Variants in ANO2 observed in about 807,000 individuals in gnomAD.
The protein encoded by ANO2 is anoctamin 2.
In ANO2, 101 loss-of-function variants were observed where a neutral mutation model predicts 124.2. That is an observed-to-expected ratio of 0.81 (90% CI 0.69 to 0.96). The LOEUF (loss-of-function observed/expected upper bound fraction) is 0.96. Among genes scored for constraint, ANO2 ranks in the 40% least tolerant of loss-of-function variants. The pLI, the probability that ANO2 is intolerant of heterozygous loss-of-function variation, is 0.00. For missense variants in ANO2, 1,293 were observed against 1,274.5 expected (o/e 1.01, Z -0.22); for synonymous variants, 486 against 482.5 (o/e 1.01, Z -0.09).
At chr12:5,857,430 G>A (rs185860358) in intron 3 of ANO2, among the ~76,000 whole-genome samples, 37 of 152,192 alleles carry the variant, frequency 2.4e-4, no homozygotes, top group Admixed American at 2.2e-3. Flanking sequence ...CCCATTTTTC[G>A]TTTTTGAGGG....
intron 3 of ANO2, among the ~76,000 whole-genome samples, chr12:5,920,418 G>A (rs1024459484): frequency 1.6e-4 from 25 of 152,136 alleles, no homozygotes; most frequent in African/African-American, 5.8e-4. Context: ...AGAATGTCAA[G>A]AAGAAATTTC....
chr12:5,866,685 G>A (rs7315197), intron 3 of ANO2, among the ~76,000 whole-genome samples: 105,687 of 152,100 alleles, frequency 0.69, 38,193 homozygotes, highest in East Asian at 0.98. Context: ...GAGACCAGCC[G>A]GCCTGAAACT....
At chr12:5,581,041 T>C (rs976047673) in intron 20 of ANO2, among the ~76,000 whole-genome samples, 1 of 152,154 alleles carries the variant, frequency 6.6e-6, no homozygotes, top group African/African-American at 2.4e-5. Context: ...CTCTCATCTT[T>C]TAAATAAAGC....
intron 14 of ANO2, among the ~76,000 whole-genome samples, chr12:5,694,848 G>T (rs537663838): frequency 6.6e-6 from 1 of 152,172 alleles, no homozygotes; most frequent in African/African-American, 2.4e-5. Context: ...CCTGAATTCA[G>T]TGCTGATGAT....
intron 12 of ANO2, chr12:5,740,591 G>T (rs1951059507): frequency 6.6e-6 from 1 of 152,180 alleles, no homozygotes; most frequent in African/African-American, 2.4e-5. Flanking sequence ...AAGTGATCAG[G>T]GCCTTAAGAA....
chr12:5,841,414 G>C (rs1954510301), intron 4 of ANO2, among the ~76,000 whole-genome samples: 1 of 152,202 alleles, frequency 6.6e-6, no homozygotes, highest in African/African-American at 2.4e-5. Context: ...ACATTCTCTA[G>C]TGTCTAGTTC....
At chr12:5,628,591 T>C (rs980729103) in intron 16 of ANO2, among the ~76,000 whole-genome samples, 49 of 152,184 alleles carry the variant, frequency 3.2e-4, no homozygotes, top group Admixed American at 1.8e-3. Context: ...CCTACCCTCC[T>C]GGGGCTGTTT....
chr12:5,567,630 C>A (rs780535660), intron 23 of ANO2, among the ~76,000 whole-genome samples: 1 of 152,200 alleles, frequency 6.6e-6, no homozygotes, highest in Non-Finnish European at 1.5e-5. Flanking sequence ...TCACTGACCT[C>A]AGTATGCGAG....
chr12:5,705,398 A>G (rs1949570261), intron 14 of ANO2, among the ~76,000 whole-genome samples: 1 of 152,234 alleles, frequency 6.6e-6, no homozygotes, highest in Non-Finnish European at 1.5e-5. Flanking sequence ...AGGGCAGCAG[A>G]CTTCTGTCCA....
chr12:5,812,276 G>A (rs996188986), intron 7 of ANO2, among the ~76,000 whole-genome samples: 1 of 126,570 alleles, frequency 7.9e-6, no homozygotes, highest in Non-Finnish European at 1.7e-5. Context: ...GGAGAAGGGA[G>A]GGAAACACAG....
At chr12:5,797,146 T>C (rs1215728180) in intron 10 of ANO2, among the ~76,000 whole-genome samples, 6 of 152,052 alleles carry the variant, frequency 3.9e-5, no homozygotes, top group Admixed American at 6.5e-5. Context: ...CCATGCATGG[T>C]AGTAAGTAGT....
intron 3 of ANO2, among the ~76,000 whole-genome samples, chr12:5,912,372 T>A (rs1181306740): frequency 6.6e-6 from 1 of 152,178 alleles, no homozygotes; most frequent in Non-Finnish European, 1.5e-5. Context: ...CAAGGTGCTT[T>A]ACGTTTCCTA....
intron 11 of ANO2, among the ~76,000 whole-genome samples, chr12:5,745,933 T>C (rs1951253976): frequency 6.6e-6 from 1 of 152,218 alleles, no homozygotes; most frequent in Non-Finnish European, 1.5e-5. Context: ...GAGAAGGAAT[T>C]GCTATTTTCA....
At chr12:5,670,481 C>T (rs1947942865) in intron 14 of ANO2, among the ~76,000 whole-genome samples, 1 of 152,186 alleles carries the variant, frequency 6.6e-6, no homozygotes, top group Admixed American at 6.5e-5. Flanking sequence ...AGTTTCACTA[C>T]ATTGTTTTCC....
intron 10 of ANO2, among the ~76,000 whole-genome samples, chr12:5,795,826 A>G (rs73048296): frequency 9.9e-4 from 151 of 152,198 alleles, no homozygotes; most frequent in Non-Finnish European, 1.5e-3. Context: ...CCAGTCCCCA[A>G]GTTTTCCCAG....
At chr12:5,760,052 A>C (rs1233735679) in intron 10 of ANO2, among the ~76,000 whole-genome samples, 4 of 152,220 alleles carry the variant, frequency 2.6e-5, no homozygotes, top group African/African-American at 9.6e-5. Context: ...AAGGCAATTC[A>C]CTACTTAAAG....
chr12:5,647,701 G>A, intron 15 of ANO2, 26 bp downstream of exon 15: 1 of 1,564,874 alleles, frequency 6.4e-7, no homozygotes, highest in Non-Finnish European at 8.8e-7. Flanking sequence ...TGCAGTCACA[G>A]GCAAGTGGTC....
chr12:5,901,089 G>A (rs746232678), intron 3 of ANO2, among the ~76,000 whole-genome samples: 5 of 152,134 alleles, frequency 3.3e-5, no homozygotes, highest in Admixed American at 6.5e-5. Flanking sequence ...TTTCCATACC[G>A]AGCAAGGCTG....
At chr12:5,797,819 GC>G (rs1591629916) in intron 10 of ANO2, among the ~76,000 whole-genome samples, 1 of 152,128 alleles carries the variant, frequency 6.6e-6, no homozygotes, top group Non-Finnish European at 1.5e-5. Context: ...ACAGCCTCCG[GC>G]CCTGCTCCAG....
Sources: allele counts gnomAD v4.1 joint callset (sites outside exome capture counted in the v4.1 genomes callset), GRCh38; gene constraint gnomAD v4.1.1; transcripts MANE v1.5; gene names NCBI Gene and HGNC (gene_info 2026-07-23, HGNC 2026-07-21).